The following STPG2 variants were observed in gnomAD, a reference collection of about 807,000 sequenced individuals.
STPG2 encodes sperm tail PG-rich repeat containing 2, also known as sperm-tail PG-rich repeat-containing protein 2.
Under a neutral mutation model 54.2 loss-of-function variants are expected in STPG2, and 56 were observed. The observed-to-expected ratio is 1.03, with a 90% confidence interval of 0.83 to 1.29. STPG2 has a LOEUF of 1.29. STPG2 is among the 50% of genes most tolerant of loss of function. STPG2 has a pLI of 0.00. For missense variants in STPG2, 596 were observed against 544.9 expected (o/e 1.09, Z -0.93); for synonymous variants, 200 against 181.8 (o/e 1.10, Z -0.81).
intron 5 of STPG2, among the ~76,000 whole-genome samples, chr4:98,090,243 G>A (rs1738645749): frequency 6.6e-6 from 1 of 152,102 alleles, no homozygotes. Context: ...GAGAGATGGA[G>A]ATCCAATTTC....
intron 9 of STPG2, among the ~76,000 whole-genome samples, chr4:97,807,167 T>C (rs1461268413): frequency 6.6e-6 from 1 of 151,192 alleles, no homozygotes; most frequent in Non-Finnish European, 1.5e-5. Flanking sequence ...ATATTAATTA[T>C]ATTATATTAA....
intron 8 of STPG2, among the ~76,000 whole-genome samples, chr4:97,850,099 T>G (rs1395975210): frequency 6.6e-6 from 1 of 151,028 alleles, no homozygotes; most frequent in African/African-American, 2.4e-5. Flanking sequence ...CCATAAAAAA[T>G]GATGAGTTCA....
At chr4:98,069,676 A>C (rs1462342579) in intron 5 of STPG2, among the ~76,000 whole-genome samples, 1 of 152,150 alleles carries the variant, frequency 6.6e-6, no homozygotes, top group African/African-American at 2.4e-5. Context: ...TTAACAGTCA[A>C]CATGCTCCAG....
At chr4:97,984,564 G>A (rs1272716463) in intron 5 of STPG2, among the ~76,000 whole-genome samples, 1 of 152,084 alleles carries the variant, frequency 6.6e-6, no homozygotes, top group Non-Finnish European at 1.5e-5. Context: ...CTTCAGTGTA[G>A]TTAAGGGCAT....
intron 10 of STPG2, among the ~76,000 whole-genome samples, chr4:97,572,327 A>C (rs1732621571): frequency 6.6e-6 from 1 of 152,130 alleles, no homozygotes; most frequent in African/African-American, 2.4e-5. Flanking sequence ...GTTAGTAACC[A>C]CTGCTTATTA....
intron 8 of STPG2, among the ~76,000 whole-genome samples, chr4:97,854,485 A>G (rs1729268302): frequency 6.7e-6 from 1 of 148,256 alleles, no homozygotes; most frequent in Non-Finnish European, 1.5e-5. Context: ...TATATAATAT[A>G]TATAATTTAT....
chr4:97,486,389 A>T (rs1346671420), intron 4 of STPG2, among the ~76,000 whole-genome samples: 3 of 151,960 alleles, frequency 2.0e-5, no homozygotes, highest in Non-Finnish European at 4.4e-5. Flanking sequence ...AAAACAAGAT[A>T]TACAAATGAC....
intron 9 of STPG2, among the ~76,000 whole-genome samples, chr4:97,801,131 G>A (rs1481925960): frequency 2.6e-5 from 4 of 152,276 alleles, no homozygotes; most frequent in Admixed American, 2.0e-4. Context: ...TGTGCTTCCC[G>A]GGTGAGGCAA....
At chr4:97,492,220 T>C (rs1730517750) in intron 4 of STPG2, among the ~76,000 whole-genome samples, 2 of 151,522 alleles carry the variant, frequency 1.3e-5, no homozygotes, top group South Asian at 2.1e-4. Context: ...GAACTACTTG[T>C]CTTCTATTAG....
At chr4:98,123,374 T>A (rs2110157641) in intron 3 of STPG2, among the ~76,000 whole-genome samples, 2 of 152,338 alleles carry the variant, frequency 1.3e-5, no homozygotes, top group Admixed American at 1.3e-4. Flanking sequence ...TCTCAGAGAT[T>A]CTGGTACATT....
intron 10 of STPG2, among the ~76,000 whole-genome samples, chr4:97,697,422 T>C (rs1723613515): frequency 1.3e-5 from 2 of 152,182 alleles, no homozygotes; most frequent in Non-Finnish European, 2.9e-5. Flanking sequence ...GCAGATGGCT[T>C]AGCAGCTAGT....
chr4:97,566,029 G>C (rs1028259418), intron 10 of STPG2, among the ~76,000 whole-genome samples: 2 of 152,188 alleles, frequency 1.3e-5, no homozygotes, highest in African/African-American at 2.4e-5. Context: ...TCTGTGCCCT[G>C]ACCCCAGAGG....
chr4:97,885,964 AG>A (rs1730551658), intron 8 of STPG2, among the ~76,000 whole-genome samples: 1 of 152,238 alleles, frequency 6.6e-6, no homozygotes, highest in South Asian at 2.1e-4. Flanking sequence ...GATTAAAGTG[AG>A]GTCAATTTTT....
intron 10 of STPG2, among the ~76,000 whole-genome samples, chr4:97,620,518 TTTAAACAAACAAAGATCACAAGA>T (rs1403145511): frequency 2.0e-5 from 3 of 152,106 alleles, no homozygotes; most frequent in African/African-American, 7.2e-5. Flanking sequence ...TAAAGGGGAC[TTTAAACAAACAAAGATCACAAGA>T]GAAAGAAGGG....
chr4:98,019,186 A>G (rs1348044529), intron 5 of STPG2, among the ~76,000 whole-genome samples: 1 of 152,106 alleles, frequency 6.6e-6, no homozygotes, highest in Non-Finnish European at 1.5e-5. Flanking sequence ...ATCTTGAATT[A>G]ATTTTTGTAT....
chr4:97,492,237 G>A (rs185752928), intron 4 of STPG2, among the ~76,000 whole-genome samples: 5 of 151,524 alleles, frequency 3.3e-5, no homozygotes, highest in Non-Finnish European at 5.9e-5. Context: ...TTAGAACACC[G>A]GAAATTGTAA....
At chr4:97,796,815 T>A (rs1727200089) in intron 9 of STPG2, among the ~76,000 whole-genome samples, 1 of 151,816 alleles carries the variant, frequency 6.6e-6, no homozygotes, top group Non-Finnish European at 1.5e-5. Flanking sequence ...TCATGATTCT[T>A]CCTATCCATG....
intron 10 of STPG2, among the ~76,000 whole-genome samples, chr4:97,602,431 G>T (rs1733487799): frequency 6.6e-6 from 1 of 151,590 alleles, no homozygotes; most frequent in Non-Finnish European, 1.5e-5. Flanking sequence ...TTTTCTTACT[G>T]CTCAAGATAG....
chr4:98,046,637 C>T (rs1453318266), intron 5 of STPG2, among the ~76,000 whole-genome samples: 1 of 152,062 alleles, frequency 6.6e-6, no homozygotes, highest in Non-Finnish European at 1.5e-5. Context: ...AAGATGCGGC[C>T]AAAAAAGTTG....
Sources: gnomAD v4.1 joint callset for allele counts (sites outside exome capture counted in the v4.1 genomes callset) on GRCh38, gnomAD v4.1.1 for gene constraint, MANE v1.5 for transcripts, NCBI Gene and HGNC (gene_info 2026-07-23, HGNC 2026-07-21) for gene names.